Variants in SERGEF observed in about 807,000 individuals in gnomAD.
SERGEF encodes the protein secretion regulating guanine nucleotide exchange factor.
SERGEF carries 51 observed loss-of-function variants against 50.0 expected under a neutral mutation model. The observed-to-expected ratio is 1.02, with a 90% confidence interval of 0.81 to 1.29. The LOEUF (loss-of-function observed/expected upper bound fraction) is 1.29, where lower values mean the gene tolerates loss of function less well. Ranked by LOEUF, SERGEF falls within the 50% of genes most tolerant of loss-of-function variation. The probability of loss-of-function intolerance (pLI) is 0.00; values close to 1 mark genes in which losing one functional copy is unlikely to be tolerated. For missense variants in SERGEF, 521 were observed against 557.0 expected (o/e 0.94, Z 0.65); for synonymous variants, 205 against 212.4 (o/e 0.97, Z 0.30).
At chr11:17,896,826 T>G (rs1448881142) in intron 9 of SERGEF, among the ~76,000 whole-genome samples, 12 of 35,520 alleles carry the variant, frequency 3.4e-4, no homozygotes, top group South Asian at 1.4e-3. Flanking sequence ...AAGGGAAGGG[T>G]AACGGAAGGG....
At chr11:17,934,536 A>T (rs1298685698) in intron 9 of SERGEF, among the ~76,000 whole-genome samples, 1 of 152,190 alleles carries the variant, frequency 6.6e-6, no homozygotes, top group East Asian at 1.9e-4. Flanking sequence ...CATTACTTCC[A>T]CTATTAACTT....
At chr11:17,898,292 G>A (rs187416160) in intron 9 of SERGEF, among the ~76,000 whole-genome samples, 34 of 152,230 alleles carry the variant, frequency 2.2e-4, no homozygotes, top group African/African-American at 7.2e-4. Context: ...AAGGGTGCAC[G>A]GCAGGGAGAA....
chr11:17,910,280 A>T (rs1405761487), intron 9 of SERGEF, among the ~76,000 whole-genome samples: 4 of 151,702 alleles, frequency 2.6e-5, no homozygotes, highest in Non-Finnish European at 5.9e-5. Context: ...ACAGGGTCTC[A>T]CTGTGCTACC....
At chr11:17,870,393 G>A (rs1851117530) in intron 10 of SERGEF, among the ~76,000 whole-genome samples, 1 of 152,218 alleles carries the variant, frequency 6.6e-6, no homozygotes, top group Non-Finnish European at 1.5e-5. Context: ...GATGCAGTAG[G>A]AGAAAGACTT....
intron 9 of SERGEF, among the ~76,000 whole-genome samples, chr11:17,909,936 T>C (rs1020176416): frequency 1.2e-4 from 18 of 152,214 alleles, no homozygotes; most frequent in African/African-American, 4.3e-4. Flanking sequence ...CTGAGTGTCC[T>C]AGACTAAGTG....
At chr11:17,883,890 C>T (rs954829814) in intron 9 of SERGEF, among the ~76,000 whole-genome samples, 1 of 151,162 alleles carries the variant, frequency 6.6e-6, no homozygotes, top group Non-Finnish European at 1.5e-5. Context: ...CTCATGGATA[C>T]CCATGGCGAC....
chr11:17,898,428 G>T (rs1851686108), intron 9 of SERGEF, among the ~76,000 whole-genome samples: 5 of 152,054 alleles, frequency 3.3e-5, no homozygotes, highest in Non-Finnish European at 2.9e-5. Context: ...AGACTTTCTG[G>T]GCCTCAGTTT....
At chr11:17,965,449 T>C (rs1853098431) in intron 8 of SERGEF, among the ~76,000 whole-genome samples, 1 of 152,190 alleles carries the variant, frequency 6.6e-6, no homozygotes, top group South Asian at 2.1e-4. Flanking sequence ...CCCAGCTATC[T>C]CTACTACCCT....
chr11:17,908,570 G>T (rs1301951013), intron 9 of SERGEF, among the ~76,000 whole-genome samples: 1 of 152,020 alleles, frequency 6.6e-6, no homozygotes, highest in Non-Finnish European at 1.5e-5. Flanking sequence ...ATATTGAATT[G>T]TAAAGGGCTC....
chr11:17,794,092 C>T (rs1849533068), intron 10 of SERGEF, among the ~76,000 whole-genome samples: 2 of 152,374 alleles, frequency 1.3e-5, no homozygotes, highest in South Asian at 2.1e-4. Flanking sequence ...GAGGAATAAA[C>T]ACCTGAGCAT....
chr11:18,006,861 T>C, intron 2 of SERGEF, 115 bp from the exon 3 acceptor site: 1 of 1,205,432 alleles, frequency 8.3e-7, no homozygotes, highest in African/African-American at 1.5e-5. Flanking sequence ...TTTTTTGCCA[T>C]CCAAGTTAAT....
In SERGEF at chr11:17,959,413, A is replaced by G. The variant is rs773587627; in HGVS notation, c.1011+57T>C. 6.6e-6 allele frequency: 10 copies of G among 1,514,804 alleles called. No homozygotes were observed. The African/African-American group carries it at 1.2e-4, about 19-fold the overall frequency. 93.8% of individuals were successfully genotyped at this position (1,514,804 alleles called of 1,614,324 possible). On this transcript the variant is annotated intron_variant, in intron 9 of 10. Transcript: ENST00000265965. Reference sequence around the variant, plus strand: ...GCACACAGTAGGCCCTCAGTAAATGATTCACTGAAAGACAAGAAAAAGGGA... The same window carrying G: ...GCACACAGTAGGCCCTCAGTAAATGGTTCACTGAAAGACAAGAAAAAGGGA...
intron 10 of SERGEF, chr11:17,853,999 GGACAGAGCGA>G (rs1477791126): frequency 2.1e-5 from 3 of 143,974 alleles, no homozygotes; most frequent in African/African-American, 7.8e-5. Flanking sequence ...CCAGCCTGGG[GGACAGAGCGA>G]GACACCGTCT....
At chr11:17,851,419 C>T (rs913835272) in intron 10 of SERGEF, among the ~76,000 whole-genome samples, 1 of 152,024 alleles carries the variant, frequency 6.6e-6, no homozygotes, top group African/African-American at 2.4e-5. Flanking sequence ...TTATGTGTCT[C>T]CTGTGTATCT....
Position 18,001,896 on chromosome 11 carries a change from G to A in SERGEF, c.448-1339C>T, listed in dbSNP as rs1050875128. 19 of 438,310 alleles carry A rather than the reference G, an allele frequency of 4.3e-5. No homozygotes were observed. The East Asian group carries it at 1.3e-3, about 31-fold the overall frequency. The allele number at this position is 438,310 out of a possible 1,614,324, so 27.2% of individuals were successfully genotyped here. A position where few individuals can be genotyped will look rare whatever the true frequency, so the allele number is the denominator to read the frequency against. On this transcript the variant is annotated intron_variant, in intron 4 of 10. Coordinates refer to ENST00000265965, the MANE Select transcript of SERGEF (RefSeq NM_012139.4). ...ATTTGTTTATTTACAGGTCCACAGT[G>A]TCTTTCTAAACTTTAGGACCCTCAA...
intron 8 of SERGEF, among the ~76,000 whole-genome samples, chr11:17,962,756 TG>T (rs1853035137): frequency 6.6e-6 from 1 of 152,164 alleles, no homozygotes; most frequent in East Asian, 1.9e-4. Flanking sequence ...CTAAGGGGTC[TG>T]GAACTAGAAT....
intron 10 of SERGEF, among the ~76,000 whole-genome samples, chr11:17,789,612 A>G (rs1849446507): frequency 6.6e-6 from 1 of 152,234 alleles, no homozygotes; most frequent in Non-Finnish European, 1.5e-5. Flanking sequence ...ATACATCTTC[A>G]TGACAAAAGA....
rs1392256330 is a variant in SERGEF at position 17,851,619 on chromosome 11, T to C, written c.1048+26589A>G. On this transcript the variant is annotated intron_variant, in intron 10 of 10. Transcript: ENST00000265965. ...CTCCCCAAAGTCATGAAGTCAGCCA[T>C]ACTAGAAACATGGATGAGGGTTATG... Among the ~76,000 whole-genome samples the C allele has an allele frequency of 3.9e-5, 6 of 152,164 alleles. No homozygotes were observed. In the East Asian group the frequency reaches 9.6e-4, roughly 24 times the overall value.
At chr11:17,940,821 C>T (rs1231182995) in intron 9 of SERGEF, among the ~76,000 whole-genome samples, 1 of 152,144 alleles carries the variant, frequency 6.6e-6, no homozygotes, top group East Asian at 1.9e-4. Context: ...AGATATGAAC[C>T]ACCGCCCAAG....
Sources: gnomAD v4.1 joint callset for allele counts (sites outside exome capture counted in the v4.1 genomes callset) on GRCh38, gnomAD v4.1.1 for gene constraint, MANE v1.5 for transcripts, NCBI Gene and HGNC (gene_info 2026-07-23, HGNC 2026-07-21) for gene names.